Variants in PCCA observed in about 807,000 individuals in gnomAD.
PCCA encodes the protein propionyl-CoA carboxylase alpha chain, mitochondrial.
Under a neutral mutation model 101.3 loss-of-function variants are expected in PCCA, and 74 were observed. That is an observed-to-expected ratio of 0.73 (90% CI 0.61 to 0.89). The LOEUF (loss-of-function observed/expected upper bound fraction) is 0.89, where lower values mean the gene tolerates loss of function less well. PCCA is among the 40% of genes least tolerant of loss of function. The probability of loss-of-function intolerance (pLI) is 0.00; values close to 1 mark genes in which losing one functional copy is unlikely to be tolerated. For synonymous variants in PCCA, 294 were observed against 313.6 expected, an observed-to-expected ratio of 0.94 and a Z score of 0.66; for missense variants, 891 against 907.0, an observed-to-expected ratio of 0.98 and a Z score of 0.23.
At chr13:100,142,549 A>C (rs974733179) in intron 4 of PCCA, among the ~76,000 whole-genome samples, 4 of 147,174 alleles carry the variant, frequency 2.7e-5, no homozygotes, top group African/African-American at 1.0e-4. Flanking sequence ...ATCTCGGCTC[A>C]TGCAACCTCC....
intron 4 of PCCA, among the ~76,000 whole-genome samples, chr13:100,123,863 G>A (rs1414847442): frequency 6.6e-6 from 1 of 152,122 alleles, no homozygotes; most frequent in Non-Finnish European, 1.5e-5. Context: ...AGAAGACAAG[G>A]TAATTCTAGG....
At chr13:100,417,628 G>A (rs753069113) in intron 19 of PCCA, among the ~76,000 whole-genome samples, 5 of 151,978 alleles carry the variant, frequency 3.3e-5, no homozygotes, top group South Asian at 2.1e-4. Flanking sequence ...GAGAATTTGC[G>A]GTATTTGAGA....
intron 16 of PCCA, among the ~76,000 whole-genome samples, chr13:100,324,533 C>T (rs546161964): frequency 3.2e-4 from 49 of 152,088 alleles, no homozygotes; most frequent in Non-Finnish European, 6.2e-4. Flanking sequence ...TATAGAGATA[C>T]TAGTCTGTTT....
intron 4 of PCCA, among the ~76,000 whole-genome samples, chr13:100,143,018 T>C (rs1594336924): frequency 1.3e-5 from 2 of 152,194 alleles, no homozygotes; most frequent in African/African-American, 4.8e-5. Context: ...CCCCCTTACA[T>C]GGGCTTCAAT....
At chr13:100,289,155 G>A (rs763465949) in intron 12 of PCCA, among the ~76,000 whole-genome samples, 18 of 152,128 alleles carry the variant, frequency 1.2e-4, no homozygotes, top group African/African-American at 4.1e-4. Context: ...CATGAGTTAT[G>A]TGGCTATTTT....
intron 7 of PCCA, among the ~76,000 whole-genome samples, chr13:100,227,157 G>T (rs1381950520): frequency 2.7e-5 from 4 of 148,894 alleles, no homozygotes; most frequent in African/African-American, 4.9e-5. Flanking sequence ...TTTTTTTTTT[G>T]GTAGAGACGG....
chr13:100,448,126 G>A (rs935932564), intron 20 of PCCA, among the ~76,000 whole-genome samples: 8 of 152,184 alleles, frequency 5.3e-5, no homozygotes, highest in African/African-American at 1.9e-4. Flanking sequence ...AGCCCTCTCT[G>A]ATTAGCCAGA....
At chr13:100,194,195 C>CT (rs2057943245) in intron 6 of PCCA, among the ~76,000 whole-genome samples, 1 of 152,130 alleles carries the variant, frequency 6.6e-6, no homozygotes, top group Non-Finnish European at 1.5e-5. Flanking sequence ...AATATCCCAA[C>CT]TGTAGGTACA....
chr13:100,268,812 C>T (rs575046712), intron 11 of PCCA, 29 bp downstream of exon 11: 32 of 1,482,286 alleles, frequency 2.2e-5, no homozygotes, highest in African/African-American at 8.3e-5. Context: ...ATTTATAAAG[C>T]GGCTGCTTTT....
At chr13:100,453,488 A>G (rs78840384) in intron 21 of PCCA, among the ~76,000 whole-genome samples, 106 of 143,800 alleles carry the variant, frequency 7.4e-4, no homozygotes, top group African/African-American at 2.4e-3. Flanking sequence ...AAAAAAAAAA[A>G]AAGAAGAAGA....
intron 8 of PCCA, among the ~76,000 whole-genome samples, chr13:100,242,116 G>A (rs2061174002): frequency 6.6e-6 from 1 of 151,982 alleles, no homozygotes; most frequent in African/African-American, 2.4e-5. Context: ...TCTTATTGTA[G>A]CAGAGGGAAG....
intron 18 of PCCA, among the ~76,000 whole-genome samples, chr13:100,341,940 T>C (rs1354181933): frequency 2.1e-5 from 3 of 143,596 alleles, no homozygotes; most frequent in Non-Finnish European, 4.5e-5. Flanking sequence ...TTTAATGTTT[T>C]GGTAGAACCC....
chr13:100,273,292 C>G lies in PCCA; in HGVS notation c.1011C>G (p.Phe337Leu). The G allele has an allele frequency of 1.2e-6, 2 of 1,612,270 alleles. No individual in the cohort carries two copies. Among genetic ancestry groups the G allele is most frequent in the Non-Finnish European group, 1.7e-6 (2 of 1,178,406 alleles). ...ATTCCTCTGCTGGGACCGTGGAGTT[C>G]CTTGTGGACTCTAAGAAGAATTTTT... ...VKYSSAGTVEFLVDSKKNFYF... is the reference protein window; with the variant it reads ...VKYSSAGTVELLVDSKKNFYF... The change falls in exon 12 of 24, where the codon TTC becomes TTG. Residue 337 changes from phenylalanine to leucine, a missense_variant. Coordinates refer to ENST00000376285, the MANE Select transcript of PCCA (RefSeq NM_000282.4).
chr13:100,299,319 A>G (rs1340113742), intron 12 of PCCA, among the ~76,000 whole-genome samples: 1 of 152,224 alleles, frequency 6.6e-6, no homozygotes. Flanking sequence ...CCCTCTTCAA[A>G]GGTGAAGCAG....
At chr13:100,294,832 G>A (rs2065400711) in intron 12 of PCCA, among the ~76,000 whole-genome samples, 2 of 152,172 alleles carry the variant, frequency 1.3e-5, no homozygotes, top group Non-Finnish European at 2.9e-5. Context: ...GAGCACATCT[G>A]TATATAATCC....
chr13:100,299,827 C>T lies in PCCA; in HGVS notation c.1066-1633C>T, dbSNP rs148349078. The stretch of plus-strand genomic sequence containing the variant: ...TCCTGGGTTCCAGCAATTCTCATGC[C>T]TCAGCCTCCTGAGTAGCTGGGACTA... On this transcript the variant is annotated intron_variant, in intron 12 of 23. Coordinates refer to ENST00000376285, the MANE Select transcript of PCCA (RefSeq NM_000282.4). 2.9e-3 allele frequency among the ~76,000 whole-genome samples: 441 copies of T among 152,320 alleles called. 1 individual carries two copies. Among genetic ancestry groups the T allele is most frequent in the African/African-American group, 0.01 (422 of 41,582 alleles).
chr13:100,216,521 A>G (rs1369479686), intron 7 of PCCA, among the ~76,000 whole-genome samples: 2 of 152,206 alleles, frequency 1.3e-5, no homozygotes, highest in Non-Finnish European at 2.9e-5. Flanking sequence ...GGTGCCTGAC[A>G]TATTGTCAGT....
Position 100,349,088 on chromosome 13 carries a change from A to G in PCCA, c.1643+8829A>G, listed in dbSNP as rs976724184. Among the ~76,000 whole-genome samples the G allele has an allele frequency of 1.5e-3, 232 of 150,494 alleles. 1 individual carries two copies. Among genetic ancestry groups the G allele is most frequent in the South Asian group, 0.012 (56 of 4,622 alleles). On this transcript the variant is annotated intron_variant, in intron 18 of 23. Coordinates refer to ENST00000376285, the MANE Select transcript of PCCA (RefSeq NM_000282.4). The stretch of plus-strand genomic sequence containing the variant: ...CTCCCAAGTAGCTGGGATTACAGGC[A>G]TGCACCGCCAGGCCCGGCTAATTTT...
intron 22 of PCCA, among the ~76,000 whole-genome samples, chr13:100,520,762 G>A (rs1314357438): frequency 6.6e-6 from 1 of 151,768 alleles, no homozygotes; most frequent in African/African-American, 2.4e-5. Flanking sequence ...AATTTTTACA[G>A]TTGAATATAC....
Sources: allele counts gnomAD v4.1 joint callset (sites outside exome capture counted in the v4.1 genomes callset), GRCh38; gene constraint gnomAD v4.1.1; transcripts MANE v1.5; gene names NCBI Gene and HGNC (gene_info 2026-07-23, HGNC 2026-07-21).